Variants in PIK3R1 observed in about 807,000 individuals in gnomAD.
PIK3R1 encodes the protein phosphatidylinositol 3-kinase regulatory subunit alpha.
In PIK3R1, 29 loss-of-function variants were observed where a neutral mutation model predicts 98.0. That is an observed-to-expected ratio of 0.30 (90% CI 0.22 to 0.40). The LOEUF is 0.40. PIK3R1 is among the 10% of genes least tolerant of loss of function. The pLI, the probability that PIK3R1 is intolerant of heterozygous loss-of-function variation, is 1.00. For synonymous variants in PIK3R1, 282 were observed against 311.8 expected (o/e 0.90, Z 1.01); for missense variants, 596 against 872.7 (o/e 0.68, Z 3.99).
chr5:68,288,553 G>A (rs1385164020), intron 7 of PIK3R1: 21 of 1,499,258 alleles, frequency 1.4e-5, no homozygotes, highest in Non-Finnish European at 1.9e-5. Context: ...CACTGTGCAC[G>A]CCCGGAGGGT....
At position 68,226,632 on chromosome 5, in the gene PIK3R1, T is replaced by C. The variant is rs1174463608; in HGVS notation, c.-44T>C. On this transcript the variant is annotated 5_prime_UTR_variant, in exon 2 of 16. Transcript: ENST00000521381. ...ATAAAAACGTAAAATCAGACTGCTC[T>C]GTACAACCAGGCTCAACTGTTGCAT... 1.3e-6 allele frequency: 2 copies of C among 1,500,302 alleles called. No homozygotes were observed. The highest frequency in any genetic ancestry group is 1.8e-6 in the Non-Finnish European group (2 of 1,084,284). 92.9% of individuals were successfully genotyped at this position (1,500,302 alleles called of 1,614,324 possible). A position where few individuals can be genotyped will look rare whatever the true frequency, so the allele number is the denominator to read the frequency against.
chr5:68,293,866 TAAG>T lies in PIK3R1; in HGVS notation c.1425+34_1425+36del, dbSNP rs748802449. 3.3e-6 allele frequency: 5 copies of T among 1,506,144 alleles called. No individual in the cohort carries two copies. In the African/African-American group the frequency reaches 7.4e-5, roughly 22 times the overall value. The allele number at this position is 1,506,144 out of a possible 1,614,324, so 93.3% of individuals were successfully genotyped here. A position where few individuals can be genotyped will look rare whatever the true frequency, so the allele number is the denominator to read the frequency against. On this transcript the variant is annotated intron_variant, in intron 11 of 15. Transcript: ENST00000521381. ...TTTCTATGAAAATCAGATTAAAAAATAAGAGTTCTAAACTTTTAAAGACTAACA... is the reference window on the plus strand; with the variant it reads ...TTTCTATGAAAATCAGATTAAAAAATAGTTCTAAACTTTTAAAGACTAACA...
In PIK3R1 at chr5:68,288,591, A is replaced by G; in HGVS notation, c.917-3668A>G. On this transcript the variant is annotated intron_variant, in intron 7 of 15. Transcript: ENST00000521381. ...TGGCGGCGCCCCCGCTCCTGCGCGC[A>G]CTCTCGGCGCCGGACACGAGCACTG... The G allele has an allele frequency of 6.5e-6, 10 of 1,535,850 alleles. No homozygotes were observed. In the South Asian group the frequency reaches 7.6e-5, roughly 12 times the overall value.
intron 2 of PIK3R1, among the ~76,000 whole-genome samples, chr5:68,272,160 G>A (rs1451166350): frequency 6.6e-6 from 1 of 151,288 alleles, no homozygotes; most frequent in African/African-American, 2.4e-5. Context: ...GGCTGGGGGG[G>A]GAGGATCACA....
chr5:68,268,868 C>T (rs1674706137), intron 2 of PIK3R1, among the ~76,000 whole-genome samples: 1 of 152,172 alleles, frequency 6.6e-6, no homozygotes, highest in Non-Finnish European at 1.5e-5. Context: ...GCCACTGTCT[C>T]CCACACACCG....
chr5:68,234,232 A>C (rs898287124), intron 2 of PIK3R1, among the ~76,000 whole-genome samples: 6 of 152,200 alleles, frequency 3.9e-5, no homozygotes, highest in Admixed American at 2.0e-4. Flanking sequence ...GAGTTTCAGC[A>C]GTTTTTGTTT....
chr5:68,220,245 G>A (rs1255689448), intron 1 of PIK3R1, among the ~76,000 whole-genome samples: 3 of 152,142 alleles, frequency 2.0e-5, no homozygotes, highest in Non-Finnish European at 4.4e-5. Flanking sequence ...TGAATCTGAA[G>A]CTCAGTGTTC....
intron 7 of PIK3R1, among the ~76,000 whole-genome samples, chr5:68,284,196 A>G (rs1158717575): frequency 2.0e-5 from 3 of 152,084 alleles, no homozygotes; most frequent in Non-Finnish European, 2.9e-5. Context: ...TATCGCATCA[A>G]CTCTAGCTTT....
rs1035566744 is a variant in PIK3R1 at position 68,295,507 on chromosome 5, T to C, written c.1814+19T>C. 6.2e-6 allele frequency: 10 copies of C among 1,600,632 alleles called. No individual in the cohort carries two copies. Among genetic ancestry groups the C allele is most frequent in the African/African-American group, 4.0e-5 (3 of 74,662 alleles). ...CTGAAGAGTAAGTAGTTACTAAAGA[T>C]GGTGATAGCAGAAGATTTTTCTCAT... is the stretch of plus-strand genomic sequence containing the variant. On this transcript the variant is annotated intron_variant, in intron 14 of 15. Transcript: ENST00000521381.
intron 2 of PIK3R1, among the ~76,000 whole-genome samples, chr5:68,233,046 G>A (rs867679073): frequency 2.0e-5 from 3 of 152,098 alleles, no homozygotes; most frequent in African/African-American, 7.2e-5. Flanking sequence ...GAGACATTCT[G>A]ATTAGTAAGA....
At chr5:68,239,071 G>A (rs1256029625) in intron 2 of PIK3R1, among the ~76,000 whole-genome samples, 1 of 152,070 alleles carries the variant, frequency 6.6e-6, no homozygotes, top group East Asian at 1.9e-4. Flanking sequence ...TATATGTTAT[G>A]TGGAAAGGCA....
chr5:68,276,812 T>C (rs1746590327), intron 4 of PIK3R1, among the ~76,000 whole-genome samples: 1 of 152,244 alleles, frequency 6.6e-6, no homozygotes, highest in Non-Finnish European at 1.5e-5. Flanking sequence ...AGGGCTTTGA[T>C]GAATTAACTT....
intron 2 of PIK3R1, among the ~76,000 whole-genome samples, chr5:68,258,243 T>G (rs528339198): frequency 6.6e-6 from 1 of 152,222 alleles, no homozygotes; most frequent in Non-Finnish European, 1.5e-5. Context: ...AAGCCCAGAA[T>G]GCACTTTATA....
At position 68,226,517 on chromosome 5, in the gene PIK3R1, A is replaced by G; in HGVS notation, c.-159A>G. The G allele has an allele frequency of 1.6e-6, 1 of 611,372 alleles. No individual in the cohort carries two copies. The highest frequency in any genetic ancestry group is 2.8e-6 in the Non-Finnish European group (1 of 351,620). The allele number at this position is 611,372 out of a possible 1,614,324, so 37.9% of individuals were successfully genotyped here. On this transcript the variant is annotated 5_prime_UTR_variant, in exon 2 of 16. Coordinates refer to ENST00000521381, the MANE Select transcript of PIK3R1 (RefSeq NM_181523.3). The stretch of plus-strand genomic sequence containing the variant: ...CAGATGGACAGCCGTATGGCCAGTC[A>G]CCTCTCCTCTTAAACCTTTGGAGAG...
At chr5:68,227,955 C>T (rs1032585729) in intron 2 of PIK3R1, among the ~76,000 whole-genome samples, 4 of 152,236 alleles carry the variant, frequency 2.6e-5, no homozygotes, top group South Asian at 4.1e-4. Context: ...ATCTTCTGTT[C>T]GGTTTCACAC....
At chr5:68,240,753 A>G (rs956240240) in intron 2 of PIK3R1, among the ~76,000 whole-genome samples, 9 of 152,160 alleles carry the variant, frequency 5.9e-5, no homozygotes, top group Admixed American at 4.6e-4. Flanking sequence ...TTAAGAATGA[A>G]AATATTTTTT....
chr5:68,289,756 AAGC>A (rs1216394041), intron 7 of PIK3R1, among the ~76,000 whole-genome samples: 1 of 131,804 alleles, frequency 7.6e-6, no homozygotes, highest in African/African-American at 3.1e-5. Context: ...AGAGGGGGAA[AAGC>A]AAAAAAAAAA....
chr5:68,301,633 C>CGA lies in PIK3R1; in HGVS notation c.*4036_*4037dup, dbSNP rs1169902844. On this transcript the variant is annotated 3_prime_UTR_variant, in exon 16 of 16. Coordinates refer to ENST00000521381, the MANE Select transcript of PIK3R1 (RefSeq NM_181523.3). ...TGTTAAAATAAAGTTGGTCTTTTGA[C>CGA]GAGAGGGAGGATGTCACGGTCAGTT... 6.8e-6 allele frequency: 1 copy of CGA among 146,090 alleles called. No individual in the cohort carries two copies. Among genetic ancestry groups the CGA allele is most frequent in the Non-Finnish European group, 1.4e-5 (1 of 72,610 alleles). 9.0% of individuals were successfully genotyped at this position (146,090 alleles called of 1,614,324 possible). A position where few individuals can be genotyped will look rare whatever the true frequency, so the allele number is the denominator to read the frequency against.
intron 2 of PIK3R1, among the ~76,000 whole-genome samples, chr5:68,269,978 CT>C (rs1342884416): frequency 6.6e-6 from 1 of 152,014 alleles, no homozygotes; most frequent in Non-Finnish European, 1.5e-5. Flanking sequence ...AGCGATAAAG[CT>C]TTTTTCAATA....
Sources: allele counts gnomAD v4.1 joint callset (sites outside exome capture counted in the v4.1 genomes callset), GRCh38; gene constraint gnomAD v4.1.1; transcripts MANE v1.5; gene names NCBI Gene and HGNC (gene_info 2026-07-23, HGNC 2026-07-21).